The following PLXNB2 variants were observed in gnomAD, a reference collection of about 807,000 sequenced individuals.
PLXNB2 encodes the protein plexin-B2.
PLXNB2 carries 85 observed loss-of-function variants against 202.6 expected under a neutral mutation model. That is an observed-to-expected ratio of 0.42 (90% confidence interval 0.35 to 0.50). The LOEUF is 0.50. PLXNB2 is among the 20% of genes least tolerant of loss of function. The pLI, the probability that PLXNB2 is intolerant of heterozygous loss-of-function variation, is 0.02. For missense variants in PLXNB2, 2,063 were observed against 2,586.2 expected (o/e 0.80, Z 4.39); for synonymous variants, 1,239 against 1,137.6 (o/e 1.09, Z -1.79).
rs142515133 is a variant in PLXNB2, at chr22:50,288,879, C to G, written c.1252-8G>C. The G allele has an allele frequency of 6.2e-7, 1 of 1,613,132 alleles. No homozygotes were observed. Among genetic ancestry groups the G allele is most frequent in the Non-Finnish European group, 8.5e-7 (1 of 1,179,836 alleles). On this transcript the variant is annotated splice_polypyrimidine_tract_variant and splice_region_variant and intron_variant, in intron 4 of 36. Transcript: ENST00000359337. The surrounding 1 kb of genome is among the most constrained non-coding windows in gnomAD (Gnocchi z 5.0). Reference sequence around the variant, plus strand: ...ATCTGGGGTGAGGTACACCTGTGTGCGCGAGGGCAGGCCGGTGAGGGTACG... The same window carrying G: ...ATCTGGGGTGAGGTACACCTGTGTGGGCGAGGGCAGGCCGGTGAGGGTACG...
Position 50,280,088 on chromosome 22 carries a change from G to A in PLXNB2, c.4176-17C>T, listed in dbSNP as rs151308310. On this transcript the variant is annotated splice_polypyrimidine_tract_variant and intron_variant, in intron 25 of 36. Transcript: ENST00000359337. ...GTCTCAGACCTGGGGGTGCAGGGAG[G>A]CCTTGTACCGAGTGACCCCGTAGTA... 145 of 1,581,182 alleles carry A rather than the reference G, an allele frequency of 9.2e-5. 2 individuals carry two copies. The East Asian group carries it at 2.7e-3, about 30-fold the overall frequency.
intron 18 of PLXNB2, 194 bp downstream of exon 18, chr22:50,282,517 G>A (rs2066077575): frequency 1.5e-6 from 1 of 673,608 alleles, no homozygotes; most frequent in African/African-American, 1.8e-5. Flanking sequence ...GGGGCCTGGT[G>A]AGCGTGGAGC....
chr22:50,299,810 T>G (rs1173939245), intron 1 of PLXNB2, among the ~76,000 whole-genome samples: 1 of 152,074 alleles, frequency 6.6e-6, no homozygotes, highest in African/African-American at 2.4e-5. Context: ...GTCTCCTGGG[T>G]GGGTCTGCGA....
chr22:50,287,830 G>A (rs2066576703), intron 6 of PLXNB2, 37 bp from the exon 7 acceptor site: 1 of 1,595,542 alleles, frequency 6.3e-7, no homozygotes, highest in Non-Finnish European at 8.5e-7. Flanking sequence ...CCAGGGTGGA[G>A]TCTTGTTCTC....
At position 50,276,977 on chromosome 22, in the gene PLXNB2, T is replaced by G. The variant is rs905918818; in HGVS notation, c.5197-71A>C. ...TGGGGCTGCTCAGAGTACCCCTGGG[T>G]AGCTTCCCCTGCCCCGAACTCCTGA... On this transcript the variant is annotated intron_variant, in intron 33 of 36. Transcript: ENST00000359337. 8.2e-6 allele frequency: 9 copies of G among 1,103,028 alleles called. No individual in the cohort carries two copies. In the Admixed American group the frequency reaches 1.4e-4, roughly 17 times the overall value. 68.3% of individuals were successfully genotyped at this position (1,103,028 alleles called of 1,614,324 possible). A position where few individuals can be genotyped will look rare whatever the true frequency, so the allele number is the denominator to read the frequency against.
chr22:50,284,863 C>T lies in PLXNB2; in HGVS notation c.2089-198G>A. On this transcript the variant is annotated intron_variant, in intron 11 of 36. Coordinates refer to ENST00000359337, the MANE Select transcript of PLXNB2 (RefSeq NM_012401.4). This position sits in a 1 kb window ranked among gnomAD's most constrained non-coding sequence, Gnocchi z 8.0. ...CAAACACCTGTGTCTGCAGAAGCCT[C>T]TGAACGTCCTCTGTGGGTTTCCCAC... 1.4e-6 allele frequency: 1 copy of T among 702,250 alleles called. No individual in the cohort carries two copies. Among genetic ancestry groups the T allele is most frequent in the Non-Finnish European group, 2.7e-6 (1 of 373,992 alleles). 43.5% of individuals were successfully genotyped at this position (702,250 alleles called of 1,614,324 possible). A position where few individuals can be genotyped will look rare whatever the true frequency, so the allele number is the denominator to read the frequency against.
At chr22:50,290,986 G>A (rs931716915) in intron 2 of PLXNB2, among the ~76,000 whole-genome samples, 8 of 152,082 alleles carry the variant, frequency 5.3e-5, no homozygotes, top group African/African-American at 1.9e-4. Flanking sequence ...CCAGGTGGTC[G>A]GGACGCACCG....
intron 1 of PLXNB2, among the ~76,000 whole-genome samples, chr22:50,302,458 G>T (rs1049645917): frequency 1.3e-5 from 2 of 152,196 alleles, no homozygotes; most frequent in African/African-American, 4.8e-5. Flanking sequence ...TGGTGGAGCT[G>T]AGGACTTCAA....
Position 50,290,267 on chromosome 22 carries a change from C to T in PLXNB2, c.318G>A (p.Arg106=), listed in dbSNP as rs1462391507. The T allele has an allele frequency of 6.8e-6, 11 of 1,611,724 alleles. No homozygotes were observed. The Admixed American group carries it at 1.5e-4, about 22-fold the overall frequency. ...VNQLLLLDPP[R]KRLVECGSLF... ...GGCTGCCGCACTCCACCAGGCGCTT[C>T]CTGGGAGGGTCGAGCAGCAGCAGCT... Residue 106 remains arginine (R), a synonymous_variant, in exon 3 of 37, where the codon AGG becomes AGA. Transcript: ENST00000359337.
chr22:50,276,730 T>C (rs549814700), intron 34 of PLXNB2, 26 bp from the exon 35 acceptor site: 19 of 1,609,498 alleles, frequency 1.2e-5, no homozygotes, highest in South Asian at 4.4e-5. Flanking sequence ...CATCATACAG[T>C]GTGGGCGGCA....
Position 50,307,609 on chromosome 22 carries a change from T to C in PLXNB2, c.-130A>G. On this transcript the variant is annotated 5_prime_UTR_variant, in exon 1 of 37. Coordinates refer to ENST00000359337, the MANE Select transcript of PLXNB2 (RefSeq NM_012401.4). Reference sequence around the variant, plus strand: ...CCGGGCCGCGCTCGGCGCTGCGCTCTGGCCCGCGCTGCTGCCATGGAGACG... The same window carrying C: ...CCGGGCCGCGCTCGGCGCTGCGCTCCGGCCCGCGCTGCTGCCATGGAGACG... 1 of 981,000 alleles carries C rather than the reference T, an allele frequency of 1.0e-6. No homozygotes were observed. Among genetic ancestry groups the C allele is most frequent in the Non-Finnish European group, 1.2e-6 (1 of 828,352 alleles). 60.8% of individuals were successfully genotyped at this position (981,000 alleles called of 1,614,324 possible).
intron 1 of PLXNB2, among the ~76,000 whole-genome samples, chr22:50,305,644 G>A (rs2067857331): frequency 6.6e-6 from 1 of 152,152 alleles, no homozygotes; most frequent in Non-Finnish European, 1.5e-5. Flanking sequence ...CCCCCTGAGG[G>A]AAACCCCAGT....
At position 50,280,978 on chromosome 22, in the gene PLXNB2, G is replaced by C; in HGVS notation, c.3764-5C>G. 6.2e-7 allele frequency: 1 copy of C among 1,612,260 alleles called. No homozygotes were observed. Among genetic ancestry groups the C allele is most frequent in the Non-Finnish European group, 8.5e-7 (1 of 1,179,348 alleles). The stretch of plus-strand genomic sequence containing the variant: ...CCTCCATCTCGATCATCAGGTCTGG[G>C]GGGAGGCTGGCGTGAGACGTCCCTG... On this transcript the variant is annotated splice_polypyrimidine_tract_variant and splice_region_variant and intron_variant, in intron 23 of 36. Transcript: ENST00000359337.
intron 8 of PLXNB2, 23 bp downstream of exon 8, chr22:50,287,087 CG>C: frequency 5.4e-6 from 8 of 1,480,920 alleles, no homozygotes; most frequent in Admixed American, 2.4e-5. Context: ...AAGGGCCACC[CG>C]GGGGCTCGGG....
chr22:50,282,051 CATT>C lies in PLXNB2; in HGVS notation c.3145_3147del (p.Asn1049del). ...GGGGACAGGAAGACGACCTTGGTGT[CATT>C]GTGGAACACGTAGTCTGTACCCACC... On this transcript the variant is annotated inframe_deletion, in exon 20 of 37. Transcript: ENST00000359337. The C allele has an allele frequency of 2.5e-6, 4 of 1,612,422 alleles. No individual in the cohort carries two copies. Among genetic ancestry groups the C allele is most frequent in the Non-Finnish European group, 3.4e-6 (4 of 1,179,948 alleles).
chr22:50,276,709 A>G lies in PLXNB2; in HGVS notation c.5262-5T>C, dbSNP rs1192785246. ...TGCCGGATCCCCTTGTAGTAACTGC[A>G]GGGGTGGGAGCATCATACAGTGTGG... On this transcript the variant is annotated splice_polypyrimidine_tract_variant and splice_region_variant and intron_variant, in intron 34 of 36. Coordinates refer to ENST00000359337, the MANE Select transcript of PLXNB2 (RefSeq NM_012401.4). The G allele has an allele frequency of 3.7e-6, 6 of 1,607,822 alleles. No individual in the cohort carries two copies. The East Asian group carries it at 1.3e-4, about 36-fold the overall frequency.
At position 50,282,252 on chromosome 22, in the gene PLXNB2, C is replaced by T. The variant is rs767871551; in HGVS notation, c.3049G>A (p.Val1017Met). 1 of 1,612,440 alleles carries T rather than the reference C, an allele frequency of 6.2e-7. No homozygotes were observed. The highest frequency in any genetic ancestry group is 8.5e-7 in the Non-Finnish European group (1 of 1,179,846). ...GFSLIQRFAM[V>M]VIAEPLQSWQ... ...GACTGCAGGGGCTCCGCGATGACCA[C>T]CATGGCAAACCTCTGGATCAGGCTG... The change falls in exon 19 of 37, where the codon GTG becomes ATG. Residue 1017 changes from valine to methionine, a missense_variant. Physicochemically the swap from Val to Met is conservative, Grantham distance 21. Around this residue, in one of 2 missense-constraint regions of PLXNB2, gnomAD observed 1,303 missense variants for 1,476.8 expected, o/e 0.88. Coordinates refer to ENST00000359337, the MANE Select transcript of PLXNB2 (RefSeq NM_012401.4).
chr22:50,301,712 C>T (rs2067700142), intron 1 of PLXNB2, among the ~76,000 whole-genome samples: 1 of 152,216 alleles, frequency 6.6e-6, no homozygotes, highest in African/African-American at 2.4e-5. Context: ...CCCTTCTCAC[C>T]CCCGGGGTGG....
In PLXNB2 at chr22:50,287,282, C is replaced by T; in HGVS notation, c.1609-18G>A. On this transcript the variant is annotated intron_variant, in intron 7 of 36. Coordinates refer to ENST00000359337, the MANE Select transcript of PLXNB2 (RefSeq NM_012401.4). ...AGCTGCACCTGAGGGAGGGGCCGTGCCGCTCACACTGGGAACCCCGAGTCC... is the reference window on the plus strand; with the variant it reads ...AGCTGCACCTGAGGGAGGGGCCGTGTCGCTCACACTGGGAACCCCGAGTCC... 7 of 1,469,840 alleles carry T rather than the reference C, an allele frequency of 4.8e-6. No homozygotes were observed. The highest frequency in any genetic ancestry group is 5.4e-6 in the Non-Finnish European group (6 of 1,104,812). 91.0% of individuals were successfully genotyped at this position (1,469,840 alleles called of 1,614,324 possible).
Sources: gnomAD v4.1 joint callset for allele counts (sites outside exome capture counted in the v4.1 genomes callset) on GRCh38, gnomAD v4.1.1 for gene constraint, gnomAD v4.1.1 regional missense constraint, Gnocchi (gnomAD v3.1) non-coding constraint, MANE v1.5 for transcripts, NCBI Gene and HGNC (gene_info 2026-07-23, HGNC 2026-07-21) for gene names.